Variants in RPS6KA2 observed in about 807,000 individuals in gnomAD.
RPS6KA2 encodes ribosomal protein S6 kinase A2.
RPS6KA2 carries 42 observed loss-of-function variants against 91.8 expected under a neutral mutation model. That is an observed-to-expected ratio of 0.46 (90% CI 0.36 to 0.59). The LOEUF is 0.59. Ranked by LOEUF, RPS6KA2 falls within the 20% of genes least tolerant of loss-of-function variation. The pLI, the probability that RPS6KA2 is intolerant of heterozygous loss-of-function variation, is 0.00. For synonymous variants in RPS6KA2, 414 were observed against 393.6 expected, an observed-to-expected ratio of 1.05 and a Z score of -0.61; for missense variants, 798 against 978.5, an observed-to-expected ratio of 0.82 and a Z score of 2.46.
rs146410179 is a variant in RPS6KA2, at chr6:166,578,726, G to A, written c.100-39942C>T. On this transcript the variant is annotated intron_variant, in intron 1 of 20. Transcript: ENST00000265678. ...AGCAGGGCTGCTCACAGGAGTCACC[G>A]TGCCAGGATCACTGTGCTGGAGCAG... 2.7e-3 allele frequency among the ~76,000 whole-genome samples: 408 copies of A among 152,334 alleles called. 2 individuals are homozygous for A. Among genetic ancestry groups the A allele is most frequent in the Middle Eastern group, 0.014 (4 of 294 alleles).
At chr6:166,692,036 G>A (rs1469005896) in intron 2 of RPS6KA2, among the ~76,000 whole-genome samples, 1 of 152,124 alleles carries the variant, frequency 6.6e-6, no homozygotes, top group Non-Finnish European at 1.5e-5. Context: ...TTACAGGTCA[G>A]GGCGTCCTGT....
intron 2 of RPS6KA2, among the ~76,000 whole-genome samples, chr6:166,745,418 T>C (rs1013280878): frequency 9.9e-5 from 15 of 152,256 alleles, no homozygotes; most frequent in Admixed American, 7.8e-4. Context: ...TCCCAAAGTG[T>C]TGGGATTCCA....
intron 19 of RPS6KA2, among the ~76,000 whole-genome samples, chr6:166,417,656 C>A (rs78628920): frequency 0.011 from 1,637 of 152,052 alleles, 34 homozygotes; most frequent in African/African-American, 0.037. Context: ...CACACACGCA[C>A]GCATGTTCTG....
chr6:166,494,127 A>G lies in RPS6KA2; in HGVS notation c.748-3386T>C, dbSNP rs570064116. On this transcript the variant is annotated intron_variant, in intron 8 of 20. Transcript: ENST00000265678. The surrounding 1 kb of genome is among the most constrained non-coding windows in gnomAD (Gnocchi z 5.1). ...GAGGACAAGCCCTGACCTGAGATGGATGACTTGAAGTGGTAGAGGGCCTGG... is the reference window on the plus strand; with the variant it reads ...GAGGACAAGCCCTGACCTGAGATGGGTGACTTGAAGTGGTAGAGGGCCTGG... 1.3e-5 allele frequency among the ~76,000 whole-genome samples: 2 copies of G among 152,296 alleles called. No individual in the cohort carries two copies. The highest frequency in any genetic ancestry group is 4.1e-4 in the South Asian group (2 of 4,820).
intron 3 of RPS6KA2, among the ~76,000 whole-genome samples, chr6:166,510,731 A>T (rs1430392118): frequency 2.6e-5 from 4 of 151,322 alleles, no homozygotes; most frequent in Admixed American, 2.0e-4. Flanking sequence ...ACTGTGCCAC[A>T]TAGGAAAGCC....
intron 2 of RPS6KA2, among the ~76,000 whole-genome samples, chr6:166,848,761 G>A (rs928951404): frequency 6.6e-6 from 1 of 152,010 alleles, no homozygotes; most frequent in Non-Finnish European, 1.5e-5. Context: ...GGAAGGGGTG[G>A]GAGGGGGATG....
chr6:166,529,510 TG>T (rs1187436207), intron 3 of RPS6KA2, among the ~76,000 whole-genome samples: 2 of 152,092 alleles, frequency 1.3e-5, no homozygotes, highest in Admixed American at 6.5e-5. Flanking sequence ...GCATGGCACA[TG>T]TATACATATG....
chr6:166,466,333 G>A (rs1002371280), intron 11 of RPS6KA2, among the ~76,000 whole-genome samples: 1 of 152,246 alleles, frequency 6.6e-6, no homozygotes. Flanking sequence ...TTAATCTAAT[G>A]TGTCATAGTT....
intron 1 of RPS6KA2, among the ~76,000 whole-genome samples, chr6:166,591,405 A>C (rs1785350294): frequency 6.6e-6 from 1 of 152,204 alleles, no homozygotes; most frequent in South Asian, 2.1e-4. Context: ...GACGTGTTGC[A>C]TGTCTTGACT....
chr6:166,468,856 T>TCCATCTCAAAAAAAAAAAAAAAAAA (rs567161437), intron 11 of RPS6KA2, among the ~76,000 whole-genome samples: 1 of 112,184 alleles, frequency 8.9e-6, no homozygotes, highest in African/African-American at 3.9e-5. Flanking sequence ...AGAGCGAGAC[T>TCCATCTCAAAAAAAAAAAAAAAAAA]AAAAAAAAAA....
At chr6:166,668,094 C>T (rs1177539548) in intron 2 of RPS6KA2, among the ~76,000 whole-genome samples, 1 of 152,162 alleles carries the variant, frequency 6.6e-6, no homozygotes, top group African/African-American at 2.4e-5. Flanking sequence ...AGGACAATGC[C>T]AGGTTCCTGG....
At chr6:166,679,639 G>C (rs73259086) in intron 2 of RPS6KA2, among the ~76,000 whole-genome samples, 32,683 of 152,168 alleles carry the variant, frequency 0.21, 5,323 homozygotes, top group African/African-American at 0.46. Flanking sequence ...TCAACCTGGC[G>C]GCGCTCCTCG....
intron 2 of RPS6KA2, among the ~76,000 whole-genome samples, chr6:166,646,621 G>T (rs1787610992): frequency 6.6e-6 from 1 of 152,234 alleles, no homozygotes; most frequent in African/African-American, 2.4e-5. Flanking sequence ...TCCCAGCCTG[G>T]CCCTTCTGGG....
At chr6:166,449,884 TG>T (rs1562500928) in intron 13 of RPS6KA2, among the ~76,000 whole-genome samples, 1 of 128,250 alleles carries the variant, frequency 7.8e-6, no homozygotes, top group Non-Finnish European at 1.6e-5. Context: ...CGGACCACCA[TG>T]GGACAACCAC....
intron 2 of RPS6KA2, among the ~76,000 whole-genome samples, chr6:166,771,597 T>C (rs2128606925): frequency 6.6e-6 from 1 of 152,316 alleles, no homozygotes; most frequent in East Asian, 1.9e-4. Context: ...ATTTCCTACT[T>C]TCTCCTTTAG....
chr6:166,475,324 G>A (rs1472610292), intron 10 of RPS6KA2, among the ~76,000 whole-genome samples: 1 of 152,202 alleles, frequency 6.6e-6, no homozygotes, highest in Non-Finnish European at 1.5e-5. Flanking sequence ...CACACCCACT[G>A]CGTACTCCCG....
chr6:166,705,667 T>C (rs1484634520), intron 2 of RPS6KA2, among the ~76,000 whole-genome samples: 1 of 152,108 alleles, frequency 6.6e-6, no homozygotes, highest in Non-Finnish European at 1.5e-5. Context: ...GGAAGGAAGA[T>C]AAAAAACATC....
At chr6:166,470,617 C>T (rs867370489) in intron 10 of RPS6KA2, among the ~76,000 whole-genome samples, 5 of 152,268 alleles carry the variant, frequency 3.3e-5, no homozygotes, top group South Asian at 4.1e-4. Context: ...GATTCCCTAA[C>T]GGTGGATACA....
At chr6:166,830,080 G>T (rs890516012) in intron 2 of RPS6KA2, among the ~76,000 whole-genome samples, 1 of 145,306 alleles carries the variant, frequency 6.9e-6, no homozygotes, top group South Asian at 2.1e-4. Context: ...AGCCGAGATC[G>T]CACCATTGCA....
Sources: allele counts gnomAD v4.1 joint callset (sites outside exome capture counted in the v4.1 genomes callset), GRCh38; gene constraint gnomAD v4.1.1; non-coding constraint Gnocchi (gnomAD v3.1); transcripts MANE v1.5; gene names NCBI Gene and HGNC (gene_info 2026-07-23, HGNC 2026-07-21).